Variants in CFAP77 observed in about 807,000 individuals in gnomAD.
CFAP77 encodes cilia- and flagella-associated protein 77.
In CFAP77, 25 loss-of-function variants were observed where a neutral mutation model predicts 31.1. The ratio of observed to expected loss-of-function variants is 0.80; its 90% CI spans 0.59 to 1.12. The LOEUF (loss-of-function observed/expected upper bound fraction) is 1.12. Among genes scored for constraint, CFAP77 ranks in the 50% most tolerant of loss-of-function variants. CFAP77 has a pLI of 0.00. For synonymous variants in CFAP77, 151 were observed against 159.9 expected (o/e 0.94, Z 0.42); for missense variants, 377 against 397.3 (o/e 0.95, Z 0.44).
At chr9:132,546,043 C>T (rs1852723242) in intron 5 of CFAP77, among the ~76,000 whole-genome samples, 1 of 152,204 alleles carries the variant, frequency 6.6e-6, no homozygotes, top group African/African-American at 2.4e-5. Context: ...CACACCTTGT[C>T]CCCAGAGGCC....
chr9:132,472,790 A>G (rs1016066123), intron 1 of CFAP77, among the ~76,000 whole-genome samples: 11 of 152,176 alleles, frequency 7.2e-5, no homozygotes, highest in Admixed American at 2.6e-4. Context: ...AACAAACAAA[A>G]AACAATGGCT....
intron 4 of CFAP77, 66 bp downstream of exon 4, chr9:132,537,772 G>C: frequency 8.0e-7 from 1 of 1,243,488 alleles, no homozygotes; most frequent in Non-Finnish European, 1.2e-6. Context: ...GGCTGGCCAG[G>C]GCCAAGCATC....
chr9:132,486,174 C>T (rs1851554997), intron 1 of CFAP77, among the ~76,000 whole-genome samples: 1 of 138,990 alleles, frequency 7.2e-6, no homozygotes, highest in South Asian at 2.3e-4. Context: ...CTCACTGCAA[C>T]CTTGGCCTCC....
Position 132,475,995 on chromosome 9 carries a change from G to A in CFAP77, c.196-22700G>A, listed in dbSNP as rs146414198. Among the ~76,000 whole-genome samples the A allele has an allele frequency of 3.4e-3, 518 of 152,348 alleles. 3 individuals are homozygous for A. Among genetic ancestry groups the A allele is most frequent in the African/African-American group, 0.011 (478 of 41,582 alleles). On this transcript the variant is annotated intron_variant, in intron 1 of 5. Coordinates refer to ENST00000393216, the MANE Select transcript of CFAP77 (RefSeq NM_001282957.2). ...ATCATTTGCCGCTGCCTGCATTTCT[G>A]TCCAGGCTTTTCTGCCATCTTGGCC... is the stretch of plus-strand genomic sequence containing the variant.
rs1352998263 is a variant in CFAP77 at position 132,486,086 on chromosome 9, A to ATTT, written c.196-12608_196-12607insTTT. On this transcript the variant is annotated intron_variant, in intron 1 of 5. Transcript: ENST00000393216. The stretch of plus-strand genomic sequence containing the variant: ...TGTGTGTATATATATATATATATAT[A>ATTT]TATATTTTTTTTTTTTTTTTTTTTG... Among the ~76,000 whole-genome samples, 5 of 17,612 alleles carry ATTT rather than the reference A, an allele frequency of 2.8e-4. 1 individual carries two copies. Among genetic ancestry groups the ATTT allele is most frequent in the African/African-American group, 4.6e-4 (1 of 2,174 alleles). 11.6% of individuals were successfully genotyped at this position (17,612 alleles called of 152,430 possible).
chr9:132,536,796 G>A (rs905634711), intron 3 of CFAP77, among the ~76,000 whole-genome samples: 1 of 152,166 alleles, frequency 6.6e-6, no homozygotes, highest in Non-Finnish European at 1.5e-5. Context: ...TTGGCCATTC[G>A]CTGCTACAGA....
intron 1 of CFAP77, among the ~76,000 whole-genome samples, chr9:132,423,500 C>T (rs1412271): frequency 0.034 from 5,253 of 152,298 alleles, 236 homozygotes; most frequent in African/African-American, 0.11. Flanking sequence ...GACAGGATGA[C>T]TATCATTCCC....
chr9:132,508,293 G>GT (rs1851971528), intron 3 of CFAP77, among the ~76,000 whole-genome samples: 1 of 152,222 alleles, frequency 6.6e-6, no homozygotes, highest in African/African-American at 2.4e-5. Flanking sequence ...CATGTTAATA[G>GT]AGGTAGCAAG....
At chr9:132,483,070 G>A (rs1300945188) in intron 1 of CFAP77, among the ~76,000 whole-genome samples, 12 of 151,660 alleles carry the variant, frequency 7.9e-5, no homozygotes, top group African/African-American at 2.7e-4. Context: ...TCAGGAGTTC[G>A]AGACCAGTCT....
In CFAP77 at chr9:132,424,773, C is replaced by T. The variant is rs1056085687; in HGVS notation, c.195+14307C>T. The stretch of plus-strand genomic sequence containing the variant: ...GGTTATTCCAAACGTGCGCATCTGC[C>T]GGCCAGGGAGCCAGGATGGCTGGGG... On this transcript the variant is annotated intron_variant, in intron 1 of 5. Transcript: ENST00000393216. The surrounding 1 kb of genome is among the most constrained non-coding windows in gnomAD (Gnocchi z 4.1). 6.6e-6 allele frequency among the ~76,000 whole-genome samples: 1 copy of T among 152,310 alleles called. No individual in the cohort carries two copies. The highest frequency in any genetic ancestry group is 2.4e-5 in the African/African-American group (1 of 41,560).
At chr9:132,561,662 C>CACACA (rs1564253362) in intron 5 of CFAP77, among the ~76,000 whole-genome samples, 2 of 50,144 alleles carry the variant, frequency 4.0e-5, no homozygotes, top group African/African-American at 1.4e-4. Context: ...CACACACACA[C>CACACA]CCCCTCCATG....
intron 1 of CFAP77, among the ~76,000 whole-genome samples, chr9:132,467,395 C>A (rs72765894): frequency 0.074 from 11,194 of 152,214 alleles, 409 homozygotes; most frequent in Middle Eastern, 0.11. Flanking sequence ...ATTCTCCTTT[C>A]TGTCTCTGCT....
intron 5 of CFAP77, 109 bp from the exon 6 acceptor site, chr9:132,572,279 A>G (rs1829968169): frequency 1.5e-6 from 2 of 1,347,402 alleles, no homozygotes; most frequent in African/African-American, 1.5e-5. Flanking sequence ...TCTTACAGCT[A>G]TTTTTATCAT....
chr9:132,509,432 T>G (rs1016320682), intron 3 of CFAP77, among the ~76,000 whole-genome samples: 2 of 152,194 alleles, frequency 1.3e-5, no homozygotes, highest in African/African-American at 2.4e-5. Context: ...CCTGCCTGCT[T>G]CCATGGACCT....
intron 3 of CFAP77, among the ~76,000 whole-genome samples, chr9:132,504,410 G>A (rs1393023317): frequency 6.6e-6 from 1 of 152,184 alleles, no homozygotes; most frequent in African/African-American, 2.4e-5. Context: ...ACAATTCCAG[G>A]GAAAGGACGT....
At chr9:132,446,251 G>A (rs149623683) in intron 1 of CFAP77, among the ~76,000 whole-genome samples, 108 of 152,112 alleles carry the variant, frequency 7.1e-4, no homozygotes, top group Middle Eastern at 3.4e-3. Context: ...GAGTCTGCTC[G>A]GTCGTGCCAG....
Position 132,414,956 on chromosome 9 carries a change from G to A in CFAP77, c.195+4490G>A, listed in dbSNP as rs150910533. Among the ~76,000 whole-genome samples, 13 of 152,190 alleles carry A rather than the reference G, an allele frequency of 8.5e-5. No individual in the cohort carries two copies. The East Asian group carries it at 2.5e-3, about 29-fold the overall frequency. ...CTGGCGAACATAAAGGCACGGAGAG[G>A]GACCAACACAAAGAAGGCAGGCAGA... On this transcript the variant is annotated intron_variant, in intron 1 of 5. Transcript: ENST00000393216.
At chr9:132,563,124 A>T (rs555245443) in intron 5 of CFAP77, among the ~76,000 whole-genome samples, 1 of 152,018 alleles carries the variant, frequency 6.6e-6, no homozygotes, top group Non-Finnish European at 1.5e-5. Context: ...GGCTCAAGCA[A>T]TCCTCCCCCT....
chr9:132,503,138 G>T (rs1167590480), intron 3 of CFAP77, among the ~76,000 whole-genome samples: 1 of 152,118 alleles, frequency 6.6e-6, no homozygotes, highest in African/African-American at 2.4e-5. Context: ...AAGTCACTTC[G>T]GGGCTGGATT....
Sources: gnomAD v4.1 joint callset for allele counts (sites outside exome capture counted in the v4.1 genomes callset) on GRCh38, gnomAD v4.1.1 for gene constraint, Gnocchi (gnomAD v3.1) non-coding constraint, MANE v1.5 for transcripts, NCBI Gene and HGNC (gene_info 2026-07-23, HGNC 2026-07-21) for gene names.